ARV1: variants seen among roughly 807,000 people sequenced by gnomAD.
ARV1 encodes protein ARV1.
ARV1 carries 26 observed loss-of-function variants against 31.1 expected under a neutral mutation model. That is an observed-to-expected ratio of 0.84 (90% CI 0.61 to 1.16). ARV1 has a LOEUF of 1.16. ARV1 is among the 50% of genes most tolerant of loss of function. The probability of loss-of-function intolerance (pLI) is 0.00; values close to 1 mark genes in which losing one functional copy is unlikely to be tolerated. For synonymous variants in ARV1, 117 were observed against 123.2 expected, an observed-to-expected ratio of 0.95 and a Z score of 0.34; for missense variants, 281 against 324.9, an observed-to-expected ratio of 0.86 and a Z score of 1.04.
chr1:230,993,083 A>AT (rs1326905063), intron 3 of ARV1, among the ~76,000 whole-genome samples: 1 of 152,058 alleles, frequency 6.6e-6, no homozygotes, highest in African/African-American at 2.4e-5. Context: ...CCTCTTAAAA[A>AT]TTTTTTTTAA....
At chr1:230,995,042 A>G (rs976492503) in intron 3 of ARV1, among the ~76,000 whole-genome samples, 1 of 152,248 alleles carries the variant, frequency 6.6e-6, no homozygotes, top group Admixed American at 6.5e-5. Flanking sequence ...GCCACTCAGA[A>G]TGGATACAGT....
At chr1:230,987,949 A>G (rs1218182252) in intron 1 of ARV1, among the ~76,000 whole-genome samples, 2 of 152,228 alleles carry the variant, frequency 1.3e-5, no homozygotes, top group Non-Finnish European at 2.9e-5. Context: ...GTGCATTATA[A>G]ATATATTTAT....
rs1369200447 is a variant in ARV1 at position 230,980,913 on chromosome 1, G to A, written c.174+1634G>A. Among the ~76,000 whole-genome samples, 4 of 152,040 alleles carry A rather than the reference G, an allele frequency of 2.6e-5. No homozygotes were observed. The East Asian group carries it at 7.7e-4, about 29-fold the overall frequency. ...TCCTTTCCTAGTTTCTCTTGAACCT[G>A]CTTTAGTCACATTCCCACCCGCATT... On this transcript the variant is annotated intron_variant, in intron 1 of 5. Transcript: ENST00000310256.
chr1:230,980,191 G>T (rs148271346), intron 1 of ARV1, among the ~76,000 whole-genome samples: 1 of 152,212 alleles, frequency 6.6e-6, no homozygotes, highest in Non-Finnish European at 1.5e-5. Context: ...TTGTCAAAAT[G>T]TCAACCCTTG....
At position 230,986,668 on chromosome 1, in the gene ARV1, A is replaced by ATTTTTTTTTTTTTT. The variant is rs1162209283; in HGVS notation, c.175-1627_175-1614dup. On this transcript the variant is annotated intron_variant, in intron 1 of 5. Transcript: ENST00000310256. ...CACCCACAAATGTAATACTTTTCCT[A>ATTTTTTTTTTTTTT]TTTTTTTTTTTTTTTTTTTTTTTTT... Among the ~76,000 whole-genome samples, 33 of 62,354 alleles carry ATTTTTTTTTTTTTT rather than the reference A, an allele frequency of 5.3e-4. 4 individuals are homozygous for ATTTTTTTTTTTTTT. Among genetic ancestry groups the ATTTTTTTTTTTTTT allele is most frequent in the Middle Eastern group, 0.014 (1 of 70 alleles). The allele number at this position is 62,354 out of a possible 152,430, so 40.9% of individuals were successfully genotyped here.
chr1:230,982,250 A>G lies in ARV1; in HGVS notation c.174+2971A>G, dbSNP rs116226240. 6.6e-3 allele frequency among the ~76,000 whole-genome samples: 1,001 copies of G among 152,376 alleles called. 9 individuals are homozygous for G. Among genetic ancestry groups the G allele is most frequent in the African/African-American group, 0.023 (952 of 41,586 alleles). On this transcript the variant is annotated intron_variant, in intron 1 of 5. Transcript: ENST00000310256. ...GCCATCCAGGTAGGAGGAAGAGAACAAGATCTTATATGTGGTCTAAACTTA... is the reference window on the plus strand; with the variant it reads ...GCCATCCAGGTAGGAGGAAGAGAACGAGATCTTATATGTGGTCTAAACTTA...
chr1:230,984,367 T>TGC (rs546399640), intron 1 of ARV1, among the ~76,000 whole-genome samples: 17,606 of 123,636 alleles, frequency 0.14, 1,147 homozygotes, highest in East Asian at 0.22. Flanking sequence ...TGTGTGCGTG[T>TGC]GTGTGTGTGT....
chr1:230,997,035 TA>T, intron 4 of ARV1, 85 bp from the exon 5 acceptor site: 1 of 1,490,994 alleles, frequency 6.7e-7, no homozygotes, highest in Non-Finnish European at 9.1e-7. Context: ...AAAACAGCTT[TA>T]CAAAACAATT....
chr1:230,998,525 G>A (rs1679434089), intron 5 of ARV1, among the ~76,000 whole-genome samples: 1 of 152,120 alleles, frequency 6.6e-6, no homozygotes. Context: ...AACAGTTGAT[G>A]TAAGCCTGCT....
intron 1 of ARV1, among the ~76,000 whole-genome samples, chr1:230,981,814 C>T (rs1480017537): frequency 6.6e-6 from 1 of 152,108 alleles, no homozygotes; most frequent in Non-Finnish European, 1.5e-5. Flanking sequence ...TTTATTTTAC[C>T]GGCAGTCCCG....
intron 3 of ARV1, among the ~76,000 whole-genome samples, chr1:230,990,940 A>G (rs1679213003): frequency 6.6e-6 from 1 of 152,252 alleles, no homozygotes; most frequent in Non-Finnish European, 1.5e-5. Context: ...CTTTATTAAT[A>G]GAGATAATTG....
At position 230,996,022 on chromosome 1, in the gene ARV1, A is replaced by G. The variant is rs1300559048; in HGVS notation, c.673+38A>G. On this transcript the variant is annotated intron_variant, in intron 4 of 5. Coordinates refer to ENST00000310256, the MANE Select transcript of ARV1 (RefSeq NM_022786.3). ...GTTTATTCTGCCTTCTCAGTTTTCA[A>G]CCCATAAAAAGCTTAAAGCCTTGTT... is the stretch of plus-strand genomic sequence containing the variant. 4 of 1,557,802 alleles carry G rather than the reference A, an allele frequency of 2.6e-6. No individual in the cohort carries two copies. In the South Asian group the frequency reaches 3.5e-5, roughly 14 times the overall value.
intron 1 of ARV1, among the ~76,000 whole-genome samples, chr1:230,981,035 T>G (rs1678897707): frequency 6.6e-6 from 1 of 152,200 alleles, no homozygotes; most frequent in Non-Finnish European, 1.5e-5. Flanking sequence ...ACCTCATTAC[T>G]TCCTCCTCCT....
rs140251959 is a variant in ARV1 at position 230,979,178 on chromosome 1, G to A, written c.73G>A (p.Ala25Thr). Reference sequence around the variant, plus strand: ...GGATGGGGTGGCAGCGACTCCTACTGCTGCCTCGGCCTCCTGCCAGTACAG... The same window carrying A: ...GGATGGGGTGGCAGCGACTCCTACTACTGCCTCGGCCTCCTGCCAGTACAG... The part of the protein sequence containing the change: ...NVDGVAATPT[A>T]ASASCQYRCI... Residue 25 changes from alanine (A) to threonine (T), a missense_variant, in exon 1 of 6, where the codon GCT (alanine) becomes ACT (threonine). Physicochemically the swap from Ala to Thr is moderately conservative, Grantham distance 58. Coordinates refer to ENST00000310256, the MANE Select transcript of ARV1 (RefSeq NM_022786.3). 4.3e-6 allele frequency: 7 copies of A among 1,613,130 alleles called. No individual in the cohort carries two copies. The highest frequency in any genetic ancestry group is 5.1e-6 in the Non-Finnish European group (6 of 1,179,692).
In ARV1 at chr1:230,995,948, G is replaced by C. The variant is rs866843306; in HGVS notation, c.637G>C (p.Val213Leu). Residue 213 changes from valine to leucine, a missense_variant, in exon 4 of 6, where the codon GTA (valine) becomes CTA (leucine). Coordinates refer to ENST00000310256, the MANE Select transcript of ARV1 (RefSeq NM_022786.3). Reference protein sequence around the residue: ...YTSVCLKLIKVFVLTSNFQAI... With the variant: ...YTSVCLKLIKLFVLTSNFQAI... Reference sequence around the variant, plus strand: ...ATCTGTGTGCCTCAAACTCATTAAAGTATTTGTTCTTACATCAAATTTTCA... The same window carrying C: ...ATCTGTGTGCCTCAAACTCATTAAACTATTTGTTCTTACATCAAATTTTCA... 1.9e-6 allele frequency: 3 copies of C among 1,613,738 alleles called. No individual in the cohort carries two copies. Among genetic ancestry groups the C allele is most frequent in the Non-Finnish European group, 2.5e-6 (3 of 1,179,850 alleles).
chr1:230,990,704 C>A, intron 3 of ARV1: 1 of 276,088 alleles, frequency 3.6e-6, no homozygotes, highest in Non-Finnish European at 7.3e-6. Flanking sequence ...CACAGGTATG[C>A]ACCACCACAC....
At chr1:230,989,859 G>C (rs1263790110) in intron 2 of ARV1, among the ~76,000 whole-genome samples, 2 of 152,172 alleles carry the variant, frequency 1.3e-5, no homozygotes, top group African/African-American at 4.8e-5. Flanking sequence ...TGTCTATGTT[G>C]TACTATGAAG....
chr1:230,999,798 C>T (rs2103059899), intron 5 of ARV1: 1 of 152,360 alleles, frequency 6.6e-6, no homozygotes, highest in South Asian at 2.1e-4. Flanking sequence ...GACATTGCCC[C>T]AGGGTCAGAT....
At chr1:230,983,143 G>A (rs1188647327) in intron 1 of ARV1, among the ~76,000 whole-genome samples, 2 of 152,006 alleles carry the variant, frequency 1.3e-5, no homozygotes, top group South Asian at 2.1e-4. Context: ...GGCCTAGCAC[G>A]GTGGCTCATG....
Sources: gnomAD v4.1 joint callset for allele counts (sites outside exome capture counted in the v4.1 genomes callset) on GRCh38, gnomAD v4.1.1 for gene constraint, MANE v1.5 for transcripts, NCBI Gene and HGNC (gene_info 2026-07-23, HGNC 2026-07-21) for gene names.